The following SEPTIN2 variants were observed in gnomAD, a reference collection of about 807,000 sequenced individuals.
The protein encoded by SEPTIN2 is septin-2.
In SEPTIN2, 34 loss-of-function variants were observed where a neutral mutation model predicts 46.5. The ratio of observed to expected loss-of-function variants is 0.73; its 90% confidence interval spans 0.56 to 0.97. SEPTIN2 has a LOEUF of 0.97. Among genes scored for constraint, SEPTIN2 ranks in the 50% least tolerant of loss-of-function variants. The probability of loss-of-function intolerance (pLI) is 0.00; values close to 1 mark genes in which losing one functional copy is unlikely to be tolerated. For missense variants in SEPTIN2, 347 were observed against 448.4 expected (o/e 0.77, Z 2.04); for synonymous variants, 175 against 153.4 (o/e 1.14, Z -1.04).
At chr2:241,335,344 T>A in intron 4 of SEPTIN2, 132 bp downstream of exon 4, 7 of 1,553,040 alleles carry the variant, frequency 4.5e-6, no homozygotes, top group Non-Finnish European at 6.1e-6. Flanking sequence ...GGAAAACACT[T>A]TTATGGGGTA....
At chr2:241,319,798 T>C (rs1654613986) in intron 1 of SEPTIN2, among the ~76,000 whole-genome samples, 1 of 152,192 alleles carries the variant, frequency 6.6e-6, no homozygotes, top group Non-Finnish European at 1.5e-5. Context: ...TTCACCATGT[T>C]GTCCAGACTG....
intron 3 of SEPTIN2, among the ~76,000 whole-genome samples, chr2:241,334,357 TCA>T (rs2079550840): frequency 6.6e-6 from 1 of 152,256 alleles, no homozygotes; most frequent in Non-Finnish European, 1.5e-5. Context: ...TGTGCTTCCT[TCA>T]AATGTAAAAT....
intron 7 of SEPTIN2, among the ~76,000 whole-genome samples, chr2:241,340,061 A>G (rs948205758): frequency 1.3e-5 from 2 of 152,244 alleles, no homozygotes; most frequent in African/African-American, 4.8e-5. Flanking sequence ...AAATAAGTAT[A>G]CATTTAAATT....
chr2:241,318,244 T>C (rs990969686), intron 1 of SEPTIN2: 3 of 152,130 alleles, frequency 2.0e-5, no homozygotes, highest in African/African-American at 4.8e-5. Flanking sequence ...CAGGGTTCAG[T>C]GAGGCTGAGG....
intron 3 of SEPTIN2, among the ~76,000 whole-genome samples, chr2:241,332,469 TGCCACTACCCA>T (rs1331294907): frequency 1.3e-5 from 2 of 152,086 alleles, no homozygotes; most frequent in East Asian, 1.9e-4. Context: ...AACCATGAGA[TGCCACTACCCA>T]GCCACTAAGA....
intron 10 of SEPTIN2, 58 bp downstream of exon 10, chr2:241,346,307 C>T (rs546814031): frequency 1.5e-6 from 2 of 1,351,332 alleles, no homozygotes; most frequent in South Asian, 1.2e-5. Flanking sequence ...AATGTTCCTC[C>T]TCCTCTATGT....
chr2:241,352,443 G>C lies in SEPTIN2; in HGVS notation c.*506G>C, dbSNP rs980776017. 39 of 152,518 alleles carry C rather than the reference G, an allele frequency of 2.6e-4. 1 individual carries two copies. Among genetic ancestry groups the C allele is most frequent in the Admixed American group, 2.3e-3 (35 of 15,276 alleles). 9.4% of individuals were successfully genotyped at this position (152,518 alleles called of 1,614,324 possible). A position where few individuals can be genotyped will look rare whatever the true frequency, so the allele number is the denominator to read the frequency against. On this transcript the variant is annotated 3_prime_UTR_variant, in exon 13 of 13. Coordinates refer to ENST00000391971, the MANE Select transcript of SEPTIN2 (RefSeq NM_004404.5). ...ACCACTTGGAGATCTTTGCTTCCTT[G>C]CTTTTATGTTTGTACACAACACCTA...
Position 241,335,151 on chromosome 2 carries a change from T to C in SEPTIN2, c.156T>C (p.Thr52=), listed in dbSNP as rs1382565664. 1 of 1,613,734 alleles carries C rather than the reference T, an allele frequency of 6.2e-7. No homozygotes were observed. The highest frequency in any genetic ancestry group is 1.1e-5 in the South Asian group (1 of 91,022). ...VVGESGLGKS[T]LINSLFLTDL... ...GTGAATCAGGTCTAGGAAAATCGAC[T>C]CTCATAAACAGCCTATTCCTAACTG... The change falls in exon 4 of 13, where the codon ACT becomes ACC. Residue 52 remains threonine, a synonymous_variant. Transcript: ENST00000391971.
At chr2:241,333,407 CAT>C (rs925403391) in intron 3 of SEPTIN2, among the ~76,000 whole-genome samples, 2 of 152,308 alleles carry the variant, frequency 1.3e-5, no homozygotes, top group African/African-American at 2.4e-5. Context: ...TTTTTACACT[CAT>C]ATTTAGGCAT....
At chr2:241,334,028 T>G (rs2079485871) in intron 3 of SEPTIN2, among the ~76,000 whole-genome samples, 1 of 120,078 alleles carries the variant, frequency 8.3e-6, no homozygotes, top group South Asian at 2.6e-4. Flanking sequence ...GGTTTTGGGG[T>G]TTTTTTTACT....
rs558154801 is a variant in SEPTIN2, at chr2:241,325,965, AGTTT to A, written c.10-19_10-16del. ...AAAAGCAACTACTAAGGTGTTTATT[AGTTT>A]GTTTGTTTTTTAATCTTATTTAGCA... On this transcript the variant is annotated intron_variant, in intron 2 of 12. Coordinates refer to ENST00000391971, the MANE Select transcript of SEPTIN2 (RefSeq NM_004404.5). The A allele has an allele frequency of 2.1e-4, 330 of 1,601,100 alleles. 1 individual carries two copies. The African/African-American group carries it at 3.4e-3, about 16-fold the overall frequency.
At chr2:241,328,560 AATCC>A (rs1387077548) in intron 3 of SEPTIN2, among the ~76,000 whole-genome samples, 4 of 151,352 alleles carry the variant, frequency 2.6e-5, no homozygotes, top group African/African-American at 7.3e-5. Flanking sequence ...AACATGGAGA[AATCC>A]TGCCTTTACT....
intron 4 of SEPTIN2, chr2:241,335,497 A>G (rs1302985233): frequency 4.0e-6 from 3 of 751,248 alleles, no homozygotes; most frequent in Admixed American, 2.5e-5. Context: ...GGATTAAGTG[A>G]GAATGTTTTA....
intron 7 of SEPTIN2, among the ~76,000 whole-genome samples, chr2:241,338,905 T>C (rs1342731791): frequency 2.6e-5 from 2 of 76,318 alleles, no homozygotes; most frequent in East Asian, 2.5e-4. Context: ...ATATATATTA[T>C]ATATAATATA....
intron 10 of SEPTIN2, 61 bp from the exon 11 acceptor site, chr2:241,348,072 TG>T (rs1246965253): frequency 6.4e-6 from 8 of 1,244,788 alleles, no homozygotes; most frequent in African/African-American, 3.0e-5. Flanking sequence ...TAGAATTTTT[TG>T]GGGGGGTAGC....
chr2:241,335,068 C>A (rs2079711050), intron 3 of SEPTIN2, 58 bp from the exon 4 acceptor site: 2 of 1,225,616 alleles, frequency 1.6e-6, no homozygotes. Context: ...AAACACTTAA[C>A]CGATTGAATG....
At chr2:241,323,818 C>T (rs1004171524) in intron 1 of SEPTIN2, among the ~76,000 whole-genome samples, 11 of 152,126 alleles carry the variant, frequency 7.2e-5, no homozygotes, top group African/African-American at 2.2e-4. Context: ...GGAACTAAGG[C>T]TCATTTAAAG....
In SEPTIN2 at chr2:241,352,413, A is replaced by G. The variant is rs985005401; in HGVS notation, c.*476A>G. The stretch of plus-strand genomic sequence containing the variant: ...TGGTGCAAGGCCATCTGCTTACCAC[A>G]TCACACCACTTGGAGATCTTTGCTT... On this transcript the variant is annotated 3_prime_UTR_variant, in exon 13 of 13. Coordinates refer to ENST00000391971, the MANE Select transcript of SEPTIN2 (RefSeq NM_004404.5). The G allele has an allele frequency of 6.6e-6, 1 of 152,654 alleles. No homozygotes were observed. Among genetic ancestry groups the G allele is most frequent in the African/African-American group, 2.4e-5 (1 of 41,444 alleles). The allele number at this position is 152,654 out of a possible 1,614,324, so 9.5% of individuals were successfully genotyped here.
At chr2:241,316,803 C>T (rs1197420423) in intron 1 of SEPTIN2, 2 of 372,276 alleles carry the variant, frequency 5.4e-6, no homozygotes, top group South Asian at 8.3e-5. Context: ...GTTCAAACTT[C>T]TGCACCTTTG....
Sources: gnomAD v4.1 joint callset for allele counts (sites outside exome capture counted in the v4.1 genomes callset) on GRCh38, gnomAD v4.1.1 for gene constraint, MANE v1.5 for transcripts, NCBI Gene and HGNC (gene_info 2026-07-23, HGNC 2026-07-21) for gene names.